Variants in RFX3 observed in about 807,000 individuals in gnomAD.
RFX3 encodes the protein transcription factor RFX3.
Under a neutral mutation model 98.6 loss-of-function variants are expected in RFX3, and 14 were observed. That is an observed-to-expected ratio of 0.14 (90% CI 0.09 to 0.22). The LOEUF (loss-of-function observed/expected upper bound fraction) is 0.22. Among genes scored for constraint, RFX3 ranks in the 10% least tolerant of loss-of-function variants. The pLI is 1.00. For missense variants in RFX3, 639 were observed against 926.9 expected (o/e 0.69, Z 4.03); for synonymous variants, 383 against 328.4 (o/e 1.17, Z -1.80).
At position 3,504,153 on chromosome 9, in the gene RFX3, A is replaced by G. The variant is rs530195511; in HGVS notation, c.-9+21594T>C. Among the ~76,000 whole-genome samples, 4 of 101,588 alleles carry G rather than the reference A, an allele frequency of 3.9e-5. No homozygotes were observed. In the South Asian group the frequency reaches 1.1e-3, roughly 28 times the overall value. The allele number at this position is 101,588 out of a possible 152,430, so 66.6% of individuals were successfully genotyped here. On this transcript the variant is annotated intron_variant, in intron 1 of 16. Transcript: ENST00000617270. ...TTTATATATATTATATATTATACAT[A>G]TTATATATTATATATATTATATATT...
intron 2 of RFX3, among the ~76,000 whole-genome samples, chr9:3,374,092 G>A (rs527446534): frequency 6.1e-4 from 90 of 147,950 alleles, no homozygotes; most frequent in South Asian, 2.0e-3. Flanking sequence ...ACACACGCGC[G>A]CACACACACA....
At chr9:3,337,605 G>A (rs1833340203) in intron 3 of RFX3, among the ~76,000 whole-genome samples, 1 of 152,110 alleles carries the variant, frequency 6.6e-6, no homozygotes, top group Non-Finnish European at 1.5e-5. Flanking sequence ...CAGTACCCAG[G>A]GGTAGCAATG....
chr9:3,375,039 A>C (rs1564007517), intron 2 of RFX3, among the ~76,000 whole-genome samples: 1 of 152,230 alleles, frequency 6.6e-6, no homozygotes, highest in Non-Finnish European at 1.5e-5. Flanking sequence ...TATTTGCAGT[A>C]TGTACATTAT....
At chr9:3,269,478 G>T (rs574658730) in intron 11 of RFX3, among the ~76,000 whole-genome samples, 1 of 152,036 alleles carries the variant, frequency 6.6e-6, no homozygotes, top group Non-Finnish European at 1.5e-5. Flanking sequence ...CTTTATTGAT[G>T]TCAATGTAGA....
At chr9:3,486,666 A>G (rs987549851) in intron 1 of RFX3, among the ~76,000 whole-genome samples, 7 of 152,218 alleles carry the variant, frequency 4.6e-5, no homozygotes, top group Non-Finnish European at 8.8e-5. Flanking sequence ...CCAGCTTTTG[A>G]ATATTAAACT....
At chr9:3,488,266 C>T (rs1237373410) in intron 1 of RFX3, among the ~76,000 whole-genome samples, 3 of 152,138 alleles carry the variant, frequency 2.0e-5, no homozygotes, top group Non-Finnish European at 4.4e-5. Flanking sequence ...TATTACTTTA[C>T]CAAGAGAAGG....
chr9:3,247,487 T>C (rs929743760), intron 15 of RFX3: 1 of 705,308 alleles, frequency 1.4e-6, no homozygotes, highest in African/African-American at 1.9e-5. Context: ...CAGAATAAAG[T>C]AGAACGTATC....
intron 7 of RFX3, among the ~76,000 whole-genome samples, chr9:3,280,718 G>A (rs1439835444): frequency 6.6e-6 from 1 of 151,562 alleles, no homozygotes; most frequent in Non-Finnish European, 1.5e-5. Flanking sequence ...AAAAATTCAG[G>A]TGCCTAGGCT....
intron 5 of RFX3, among the ~76,000 whole-genome samples, chr9:3,295,905 A>G (rs1827930021): frequency 6.6e-6 from 1 of 152,084 alleles, no homozygotes; most frequent in Non-Finnish European, 1.5e-5. Context: ...TTAGTCTGAT[A>G]AAAGCAAATT....
chr9:3,368,832 C>A (rs1029301123), intron 2 of RFX3, among the ~76,000 whole-genome samples: 9 of 152,166 alleles, frequency 5.9e-5, no homozygotes, highest in African/African-American at 2.2e-4. Flanking sequence ...TTCTGTCATC[C>A]ACTTACATCT....
chr9:3,518,680 C>G (rs1393776002), intron 1 of RFX3, among the ~76,000 whole-genome samples: 1 of 152,092 alleles, frequency 6.6e-6, no homozygotes, highest in Non-Finnish European at 1.5e-5. Context: ...TGAATAGCAA[C>G]TTTAATAATT....
At chr9:3,375,040 T>A (rs1272276005) in intron 2 of RFX3, among the ~76,000 whole-genome samples, 1 of 152,236 alleles carries the variant, frequency 6.6e-6, no homozygotes, top group Non-Finnish European at 1.5e-5. Flanking sequence ...ATTTGCAGTA[T>A]GTACATTATA....
chr9:3,516,071 T>C lies in RFX3; in HGVS notation c.-9+9676A>G, dbSNP rs570246533. Among the ~76,000 whole-genome samples, 215 of 152,114 alleles carry C rather than the reference T, an allele frequency of 1.4e-3. 1 individual carries two copies. The highest frequency in any genetic ancestry group is 5.0e-3 in the African/African-American group (208 of 41,470). ...AAAAAAAAAATTTTTTTTTTTGAGA[T>C]GGAGTCTTGCTCTGTTGCCCAGACT... On this transcript the variant is annotated intron_variant, in intron 1 of 16. Transcript: ENST00000617270.
intron 1 of RFX3, among the ~76,000 whole-genome samples, chr9:3,496,917 C>T (rs531763422): frequency 2.0e-4 from 30 of 152,136 alleles, no homozygotes; most frequent in African/African-American, 7.0e-4. Context: ...GCACAGTTTG[C>T]ATCTTTGTGG....
chr9:3,230,933 T>C (rs149036404), intron 15 of RFX3, among the ~76,000 whole-genome samples: 4 of 152,342 alleles, frequency 2.6e-5, no homozygotes, highest in African/African-American at 7.2e-5. Context: ...TAGTTGCTAC[T>C]TAACTCCGAA....
At chr9:3,510,561 C>T (rs1345180146) in intron 1 of RFX3, among the ~76,000 whole-genome samples, 3 of 151,974 alleles carry the variant, frequency 2.0e-5, no homozygotes, top group Non-Finnish European at 4.4e-5. Context: ...ATAAAACTGC[C>T]TGTGCTTTCA....
intron 15 of RFX3, chr9:3,247,190 A>G (rs1467440077): frequency 1.0e-6 from 1 of 985,466 alleles, no homozygotes; most frequent in Admixed American, 6.1e-5. Flanking sequence ...TCAATATAAC[A>G]AAATAAGCCA....
chr9:3,414,515 A>T (rs1174622040), intron 1 of RFX3, among the ~76,000 whole-genome samples: 2 of 150,284 alleles, frequency 1.3e-5, no homozygotes, highest in South Asian at 2.1e-4. Context: ...ATATAAGAGT[A>T]TATATATATG....
At chr9:3,418,246 C>A (rs1843142335) in intron 1 of RFX3, among the ~76,000 whole-genome samples, 1 of 152,150 alleles carries the variant, frequency 6.6e-6, no homozygotes. Flanking sequence ...GTTCTTACCG[C>A]CTTAGAGTGA....
Sources: gnomAD v4.1 joint callset for allele counts (sites outside exome capture counted in the v4.1 genomes callset) on GRCh38, gnomAD v4.1.1 for gene constraint, MANE v1.5 for transcripts, NCBI Gene and HGNC (gene_info 2026-07-23, HGNC 2026-07-21) for gene names.